The following FBXW2 variants were observed in gnomAD, a reference collection of about 807,000 sequenced individuals.
The protein encoded by FBXW2 is F-box/WD repeat-containing protein 2.
A neutral mutation model predicts 46.0 loss-of-function variants in FBXW2; 12 were observed. The ratio of observed to expected loss-of-function variants is 0.26; its 90% confidence interval spans 0.17 to 0.42. The LOEUF is 0.42. Ranked by LOEUF, FBXW2 falls within the 10% of genes least tolerant of loss-of-function variation. The pLI, the probability that FBXW2 is intolerant of heterozygous loss-of-function variation, is 1.00. For missense variants in FBXW2, 360 were observed against 537.0 expected (o/e 0.67, Z 3.26); for synonymous variants, 203 against 209.6 (o/e 0.97, Z 0.27).
Position 120,760,958 on chromosome 9 carries a change from CAG to C in FBXW2, c.*3599_*3600del, listed in dbSNP as rs1287423003. 6.6e-6 allele frequency: 1 copy of C among 152,160 alleles called. No homozygotes were observed. Among genetic ancestry groups the C allele is most frequent in the Non-Finnish European group, 1.5e-5 (1 of 68,000 alleles). The allele number at this position is 152,160 out of a possible 1,614,324, so 9.4% of individuals were successfully genotyped here. ...CACCAAGTGTTTTCAACAGCCAGAA[CAG>C]AGCAATTTTTAAACTACGAAAAATG... On this transcript the variant is annotated 3_prime_UTR_variant, in exon 8 of 8. Transcript: ENST00000608872.
At position 120,776,072 on chromosome 9, in the gene FBXW2, A is replaced by G. The variant is rs573357927; in HGVS notation, c.819+21T>C. 4 of 1,612,668 alleles carry G rather than the reference A, an allele frequency of 2.5e-6. No individual in the cohort carries two copies. In the East Asian group the frequency reaches 8.9e-5, roughly 36 times the overall value. On this transcript the variant is annotated intron_variant, in intron 5 of 7. Coordinates refer to ENST00000608872, the MANE Select transcript of FBXW2 (RefSeq NM_012164.4). ...CCTCAAAAAGCCTGATAAGCAGGAGACTTCTTCCAAGTCTTCCTACCTTGG... is the reference window on the plus strand; with the variant it reads ...CCTCAAAAAGCCTGATAAGCAGGAGGCTTCTTCCAAGTCTTCCTACCTTGG...
Position 120,772,831 on chromosome 9 carries a change from G to C in FBXW2, c.829C>G (p.Gln277Glu), listed in dbSNP as rs763091863. The part of the protein sequence containing the change: ...HTEWVTKVVL[Q>E]KCKVKSLLHS... The stretch of plus-strand genomic sequence containing the variant: ...AAGAGAGACTTGACTTTGCACTTCT[G>C]CAAAACTACCTGCAAATGTAAACCA... Residue 277 changes from glutamine to glutamate, a missense_variant, in exon 6 of 8, where the codon CAG (glutamine) becomes GAG (glutamate). By Grantham distance (29) the Gln-to-Glu change is conservative. Transcript: ENST00000608872. 9 of 1,610,320 alleles carry C rather than the reference G, an allele frequency of 5.6e-6. No individual in the cohort carries two copies. In the South Asian group the frequency reaches 9.9e-5, roughly 18 times the overall value.
At chr9:120,781,647 C>T (rs868241555) in intron 3 of FBXW2, among the ~76,000 whole-genome samples, 1,960 of 150,870 alleles carry the variant, frequency 0.013, 52 homozygotes, top group African/African-American at 0.046. Context: ...CACACACACA[C>T]ACACACACAC....
rs1276905411 is a variant in FBXW2, at chr9:120,787,905, G to A, written c.354C>T (p.His118=). ...TAGCCTTCAAATAAACCTTCTTCCAGTGCAAAGCGTCCTGAACAGAATCAT... is the reference window on the plus strand; with the variant it reads ...TAGCCTTCAAATAAACCTTCTTCCAATGCAAAGCGTCCTGAACAGAATCAT... ...QIDDSVQDAL[H]WKKVYLKAIL... The change falls in exon 3 of 8, where the codon CAC becomes CAT. Residue 118 remains histidine, a synonymous_variant. Coordinates refer to ENST00000608872, the MANE Select transcript of FBXW2 (RefSeq NM_012164.4). The A allele has an allele frequency of 1.9e-6, 3 of 1,614,210 alleles. No individual in the cohort carries two copies. Among genetic ancestry groups the A allele is most frequent in the Middle Eastern group, 1.6e-4 (1 of 6,062 alleles).
rs940573557 is a variant in FBXW2 at position 120,762,549 on chromosome 9, A to C, written c.*2010T>G. ...GATATTGTTCTTTTGCTTAAACCCC[A>C]CAGAGTTTCAACATGGATATTAATG... On this transcript the variant is annotated 3_prime_UTR_variant, in exon 8 of 8. Coordinates refer to ENST00000608872, the MANE Select transcript of FBXW2 (RefSeq NM_012164.4). 3.4e-4 allele frequency: 52 copies of C among 152,152 alleles called. No homozygotes were observed. The highest frequency in any genetic ancestry group is 1.2e-3 in the African/African-American group (50 of 41,430). The allele number at this position is 152,152 out of a possible 1,614,324, so 9.4% of individuals were successfully genotyped here. A position where few individuals can be genotyped will look rare whatever the true frequency, so the allele number is the denominator to read the frequency against.
intron 3 of FBXW2, among the ~76,000 whole-genome samples, chr9:120,780,454 A>G (rs979178530): frequency 1.3e-5 from 2 of 152,180 alleles, no homozygotes; most frequent in East Asian, 3.8e-4. Flanking sequence ...AAATATTGAG[A>G]TATTTTATAT....
At chr9:120,770,747 C>T (rs2044361143) in intron 7 of FBXW2, among the ~76,000 whole-genome samples, 1 of 152,194 alleles carries the variant, frequency 6.6e-6, no homozygotes, top group African/African-American at 2.4e-5. Flanking sequence ...TCTTAATGAC[C>T]ACATGGCACT....
At chr9:120,776,738 T>A (rs193128931) in intron 4 of FBXW2, 2 of 153,992 alleles carry the variant, frequency 1.3e-5, no homozygotes, top group Admixed American at 1.3e-4. Context: ...GTGTCTGAAT[T>A]TCTTCACAGC....
rs2044229652 is a variant in FBXW2, at chr9:120,763,838, T to C, written c.*721A>G. On this transcript the variant is annotated 3_prime_UTR_variant, in exon 8 of 8. Transcript: ENST00000608872. ...TCCAGCTCACTGCTCTTTTCTGCTA[T>C]ACCAGGGCACCGCTGTGCAGTCATC... 1.3e-5 allele frequency: 2 copies of C among 152,230 alleles called. No homozygotes were observed. Among genetic ancestry groups the C allele is most frequent in the South Asian group, 4.1e-4 (2 of 4,830 alleles). 9.4% of individuals were successfully genotyped at this position (152,230 alleles called of 1,614,324 possible).
intron 5 of FBXW2, among the ~76,000 whole-genome samples, chr9:120,774,380 C>CA (rs2044447668): frequency 6.7e-6 from 1 of 149,682 alleles, no homozygotes; most frequent in African/African-American, 2.5e-5. Context: ...AGTGTGGTGG[C>CA]ACGTGGCTGT....
At chr9:120,790,837 A>G (rs991753718) in intron 2 of FBXW2, among the ~76,000 whole-genome samples, 3 of 152,236 alleles carry the variant, frequency 2.0e-5, no homozygotes, top group Non-Finnish European at 4.4e-5. Flanking sequence ...AAAAAATGCC[A>G]AATTAATGTG....
rs2044204784 is a variant in FBXW2 at position 120,762,117 on chromosome 9, A to G, written c.*2442T>C. 1 of 152,354 alleles carries G rather than the reference A, an allele frequency of 6.6e-6. No homozygotes were observed. Among genetic ancestry groups the G allele is most frequent in the African/African-American group, 2.4e-5 (1 of 41,452 alleles). 9.4% of individuals were successfully genotyped at this position (152,354 alleles called of 1,614,324 possible). A position where few individuals can be genotyped will look rare whatever the true frequency, so the allele number is the denominator to read the frequency against. ...CACTTTGGGAGGCCAAGGCAGGTGG[A>G]TGACCTGAGGTCAGGAGTTCAAGAC... On this transcript the variant is annotated 3_prime_UTR_variant, in exon 8 of 8. Transcript: ENST00000608872.
chr9:120,766,688 T>C lies in FBXW2; in HGVS notation c.1077-1841A>G, dbSNP rs564790681. Reference sequence around the variant, plus strand: ...CCATGTTGGCGAGATGGTCTCGATCTCAACCTTGTGTTCCACCCGCCTCAG... The same window carrying C: ...CCATGTTGGCGAGATGGTCTCGATCCCAACCTTGTGTTCCACCCGCCTCAG... On this transcript the variant is annotated intron_variant, in intron 7 of 7. Coordinates refer to ENST00000608872, the MANE Select transcript of FBXW2 (RefSeq NM_012164.4). 7.2e-5 allele frequency among the ~76,000 whole-genome samples: 11 copies of C among 152,254 alleles called. No individual in the cohort carries two copies. The South Asian group carries it at 1.9e-3, about 26-fold the overall frequency.
rs934591466 is a variant in FBXW2 at position 120,774,569 on chromosome 9, G to A, written c.819+1524C>T. Among the ~76,000 whole-genome samples the A allele has an allele frequency of 1.3e-4, 20 of 152,130 alleles. 1 individual carries two copies. The highest frequency in any genetic ancestry group is 1.2e-3 in the Admixed American group (18 of 15,272). On this transcript the variant is annotated intron_variant, in intron 5 of 7. Transcript: ENST00000608872. ...TTCCCACAGTGAATCTGCAAGCCAG[G>A]TGGCTTTACCTTAAAGACATATCCT...
chr9:120,784,512 G>A (rs1180414870), intron 3 of FBXW2, among the ~76,000 whole-genome samples: 1 of 151,922 alleles, frequency 6.6e-6, no homozygotes, highest in East Asian at 1.9e-4. Context: ...AACCCGGGAG[G>A]CTGACATGGG....
At chr9:120,792,625 T>C (rs2044871948) in intron 2 of FBXW2, 2 of 210,108 alleles carry the variant, frequency 9.5e-6, no homozygotes, top group Non-Finnish European at 2.0e-5. Context: ...TTATAAAATA[T>C]GTGTTCTGCA....
chr9:120,759,709 A>G lies in FBXW2; in HGVS notation c.*4850T>C, dbSNP rs955058528. 2 of 152,232 alleles carry G rather than the reference A, an allele frequency of 1.3e-5. No homozygotes were observed. The highest frequency in any genetic ancestry group is 2.4e-5 in the African/African-American group (1 of 41,464). The allele number at this position is 152,232 out of a possible 1,614,324, so 9.4% of individuals were successfully genotyped here. ...TTCCAGGGTTGAATATTAAAAACACATATTTACTTGGGCACATTTATGAAG... is the reference window on the plus strand; with the variant it reads ...TTCCAGGGTTGAATATTAAAAACACGTATTTACTTGGGCACATTTATGAAG... On this transcript the variant is annotated 3_prime_UTR_variant, in exon 8 of 8. Transcript: ENST00000608872.
At chr9:120,784,450 A>G (rs960273385) in intron 3 of FBXW2, among the ~76,000 whole-genome samples, 13 of 151,892 alleles carry the variant, frequency 8.6e-5, no homozygotes, top group African/African-American at 2.9e-4. Context: ...TGTCTCTACA[A>G]AAAATACAAA....
At chr9:120,781,963 C>A (rs144752571) in intron 3 of FBXW2, among the ~76,000 whole-genome samples, 39 of 146,772 alleles carry the variant, frequency 2.7e-4, no homozygotes, top group African/African-American at 9.4e-4. Flanking sequence ...GCGGAGGTTG[C>A]GGTGAGCCAA....
Sources: allele counts gnomAD v4.1 joint callset (sites outside exome capture counted in the v4.1 genomes callset), GRCh38; gene constraint gnomAD v4.1.1; transcripts MANE v1.5; gene names NCBI Gene and HGNC (gene_info 2026-07-23, HGNC 2026-07-21).